TUSC3: variants seen among roughly 807,000 people sequenced by gnomAD.
TUSC3 encodes dolichyl-diphosphooligosaccharide--protein glycosyltransferase subunit TUSC3.
Under a neutral mutation model 44.8 loss-of-function variants are expected in TUSC3, and 45 were observed. The ratio of observed to expected loss-of-function variants is 1.00; its 90% CI spans 0.79 to 1.29. The LOEUF is 1.29. Ranked by LOEUF, TUSC3 falls within the 50% of genes most tolerant of loss-of-function variation. The pLI, the probability that TUSC3 is intolerant of heterozygous loss-of-function variation, is 0.00. For synonymous variants in TUSC3, 212 were observed against 152.9 expected, an observed-to-expected ratio of 1.39 and a Z score of -2.85; for missense variants, 519 against 437.9, an observed-to-expected ratio of 1.19 and a Z score of -1.65.
chr8:15,467,617 C>A (rs1381525356), intron 1 of TUSC3, among the ~76,000 whole-genome samples: 4 of 152,120 alleles, frequency 2.6e-5, no homozygotes, highest in Admixed American at 2.6e-4. Context: ...TGGGAAAACA[C>A]TGATTTGGTT....
intron 2 of TUSC3, among the ~76,000 whole-genome samples, chr8:15,523,295 G>C (rs1220510663): frequency 2.0e-5 from 3 of 152,134 alleles, no homozygotes; most frequent in African/African-American, 7.2e-5. Context: ...AAAGGCAGGG[G>C]AGTGAGGGTG....
chr8:15,683,202 G>A (rs890827716), intron 6 of TUSC3, among the ~76,000 whole-genome samples: 2 of 152,092 alleles, frequency 1.3e-5, no homozygotes, highest in Non-Finnish European at 2.9e-5. Flanking sequence ...TTTCTCTAGC[G>A]AGATTGGGAA....
the TUSC3 span, among the ~76,000 whole-genome samples, chr8:15,793,804 G>A: frequency 6.6e-6 from 1 of 152,140 alleles, no homozygotes. Flanking sequence ...ACTAACTGCT[G>A]AATGAACTGA....
chr8:15,437,109 C>T (rs1799958062), intron 1 of TUSC3, among the ~76,000 whole-genome samples: 1 of 152,072 alleles, frequency 6.6e-6, no homozygotes, highest in Non-Finnish European at 1.5e-5. Context: ...ATCTCTAAAA[C>T]TGCAGAGACC....
intron 3 of TUSC3, among the ~76,000 whole-genome samples, chr8:15,654,443 A>G (rs1482957945): frequency 6.6e-6 from 1 of 152,152 alleles, no homozygotes; most frequent in African/African-American, 2.4e-5. Flanking sequence ...TATCACACTT[A>G]TTAGATACAT....
intron 2 of TUSC3, among the ~76,000 whole-genome samples, chr8:15,648,167 A>C (rs1435465084): frequency 1.3e-5 from 2 of 151,876 alleles, no homozygotes; most frequent in Non-Finnish European, 2.9e-5. Context: ...CATTCCACCT[A>C]TGTTGTTTTT....
intron 5 of TUSC3, among the ~76,000 whole-genome samples, chr8:15,665,879 T>C (rs974246123): frequency 3.3e-5 from 5 of 151,370 alleles, no homozygotes; most frequent in African/African-American, 1.2e-4. Flanking sequence ...TACTGATGAT[T>C]GTTCATGGAA....
chr8:15,462,510 A>G (rs2129122031), intron 1 of TUSC3, among the ~76,000 whole-genome samples: 1 of 152,138 alleles, frequency 6.6e-6, no homozygotes, highest in Admixed American at 6.6e-5. Context: ...CTACACAACG[A>G]CTGCCTGTTA....
intron 2 of TUSC3, among the ~76,000 whole-genome samples, chr8:15,635,288 C>T (rs942575535): frequency 6.6e-6 from 1 of 152,124 alleles, no homozygotes. Flanking sequence ...TGTTTAGTCA[C>T]CAAACTGCCG....
chr8:15,615,346 G>A (rs1585155694), intron 1 of TUSC3, among the ~76,000 whole-genome samples: 1 of 152,276 alleles, frequency 6.6e-6, no homozygotes, highest in African/African-American at 2.4e-5. Flanking sequence ...GTTAAATGAA[G>A]TAAGTCAGGC....
chr8:15,688,390 T>G (rs1808733169), intron 6 of TUSC3, among the ~76,000 whole-genome samples: 1 of 151,648 alleles, frequency 6.6e-6, no homozygotes, highest in Non-Finnish European at 1.5e-5. Flanking sequence ...TTTCGTAACC[T>G]TACATAAAAT....
intron 2 of TUSC3, among the ~76,000 whole-genome samples, chr8:15,626,176 C>T (rs894564830): frequency 6.6e-5 from 10 of 152,122 alleles, no homozygotes; most frequent in Non-Finnish European, 1.3e-4. Context: ...AGGCAGGACC[C>T]ACTCCCAGGC....
chr8:15,755,234 T>C (rs538438704), intron 9 of TUSC3, among the ~76,000 whole-genome samples: 171 of 152,258 alleles, frequency 1.1e-3, no homozygotes, highest in African/African-American at 4.0e-3. Context: ...AGTTCTCATT[T>C]ATAAATGGAG....
chr8:15,816,066 G>C, the TUSC3 span, among the ~76,000 whole-genome samples: 2 of 152,108 alleles, frequency 1.3e-5, no homozygotes, highest in Non-Finnish European at 2.9e-5. Flanking sequence ...TGTATTGTGT[G>C]AGCATTCAAC....
At chr8:15,776,456 A>G in the TUSC3 span, among the ~76,000 whole-genome samples, 4 of 152,092 alleles carry the variant, frequency 2.6e-5, no homozygotes, top group Admixed American at 2.6e-4. Context: ...TTGACATGTC[A>G]GTTATGTTTT....
intron 2 of TUSC3, among the ~76,000 whole-genome samples, chr8:15,509,912 G>A (rs568784411): frequency 3.2e-4 from 49 of 152,288 alleles, no homozygotes; most frequent in African/African-American, 9.1e-4. Flanking sequence ...CTTACCAGGA[G>A]AATCCAGAAA....
chr8:15,700,695 C>T (rs1809357443), intron 6 of TUSC3, among the ~76,000 whole-genome samples: 1 of 151,860 alleles, frequency 6.6e-6, no homozygotes, highest in Admixed American at 6.6e-5. Context: ...ATCATCTGAG[C>T]AGTAGGAAAT....
intron 4 of TUSC3, 76 bp from the exon 5 acceptor site, chr8:15,662,080 T>A (rs1203741969): frequency 1.7e-5 from 26 of 1,537,692 alleles, no homozygotes; most frequent in Non-Finnish European, 2.2e-5. Context: ...CGTTGAAAAT[T>A]ATGAGGACTA....
Position 15,622,958 on chromosome 8 carries a change from T to A in TUSC3, c.139-122T>A, listed in dbSNP as rs1805319107. On this transcript the variant is annotated intron_variant, in intron 1 of 10. Transcript: ENST00000503731. ...CTAGGAGCAGAAATATGGTCTTTTA[T>A]CTTTTCTATAAACTTGGATATCATT... The A allele has an allele frequency of 5.9e-6, 6 of 1,016,712 alleles. No individual in the cohort carries two copies. The South Asian group carries it at 9.4e-5, about 16-fold the overall frequency. 63.0% of individuals were successfully genotyped at this position (1,016,712 alleles called of 1,614,324 possible).
Sources: gnomAD v4.1 joint callset for allele counts (sites outside exome capture counted in the v4.1 genomes callset) on GRCh38, gnomAD v4.1.1 for gene constraint, MANE v1.5 for transcripts, NCBI Gene and HGNC (gene_info 2026-07-23, HGNC 2026-07-21) for gene names.